The following NPHP4 variants were observed in gnomAD, a reference collection of about 807,000 sequenced individuals.
The protein encoded by NPHP4 is nephrocystin-4.
NPHP4 carries 151 observed loss-of-function variants against 155.8 expected under a neutral mutation model. The ratio of observed to expected loss-of-function variants is 0.97; its 90% confidence interval spans 0.85 to 1.11. The LOEUF (loss-of-function observed/expected upper bound fraction) is 1.11. NPHP4 is among the 50% of genes least tolerant of loss of function. The probability of loss-of-function intolerance (pLI) is 0.00; values close to 1 mark genes in which losing one functional copy is unlikely to be tolerated. For missense variants in NPHP4, 1,956 were observed against 1,925.7 expected, an observed-to-expected ratio of 1.02 and a Z score of -0.29; for synonymous variants, 845 against 816.8, an observed-to-expected ratio of 1.03 and a Z score of -0.59.
rs140103378 is a variant in NPHP4 at position 5,909,290 on chromosome 1, G to A, written c.1442-77C>T. ...GGGCAGTGGGCCCCTGAACCCCCAC[G>A]CAGTCAGGTCTCCACAGGCCTCACC... On this transcript the variant is annotated intron_variant, in intron 11 of 29. Transcript: ENST00000378156. 165 of 1,177,080 alleles carry A rather than the reference G, an allele frequency of 1.4e-4. No individual in the cohort carries two copies. In the African/African-American group the frequency reaches 1.9e-3, roughly 14 times the overall value. 72.9% of individuals were successfully genotyped at this position (1,177,080 alleles called of 1,614,324 possible).
intron 16 of NPHP4, among the ~76,000 whole-genome samples, chr1:5,901,712 T>G (rs1644691237): frequency 6.6e-6 from 1 of 152,016 alleles, no homozygotes; most frequent in East Asian, 1.9e-4. Context: ...TGATGAGCTG[T>G]GCTGGATAAA....
At chr1:5,958,933 A>T (rs369075545) in intron 6 of NPHP4, among the ~76,000 whole-genome samples, 7 of 151,578 alleles carry the variant, frequency 4.6e-5, no homozygotes, top group Admixed American at 3.3e-4. Flanking sequence ...AAAAAGTAAA[A>T]TAAAAAGAAA....
In NPHP4 at chr1:5,884,171, C is replaced by A. The variant is rs546830730; in HGVS notation, c.2485+3115G>T. On this transcript the variant is annotated intron_variant, in intron 18 of 29. Transcript: ENST00000378156. ...CACCTTCCATGAAACAGGTTACACC[C>A]GCACCAACACGTTTGCTGCAGGGGC... Among the ~76,000 whole-genome samples, 3 of 152,148 alleles carry A rather than the reference C, an allele frequency of 2.0e-5. No individual in the cohort carries two copies. In the East Asian group the frequency reaches 5.8e-4, roughly 29 times the overall value.
intron 20 of NPHP4, chr1:5,875,882 G>A (rs941166422): frequency 6.6e-6 from 1 of 152,314 alleles, no homozygotes; most frequent in African/African-American, 2.4e-5. Flanking sequence ...GCTGACTTCA[G>A]TGCTTTCAGG....
chr1:5,890,864 C>T lies in NPHP4; in HGVS notation c.2304+4G>A. 6.2e-7 allele frequency: 1 copy of T among 1,607,008 alleles called. No homozygotes were observed. Among genetic ancestry groups the T allele is most frequent in the Non-Finnish European group, 8.5e-7 (1 of 1,175,650 alleles). On this transcript the variant is annotated splice_donor_region_variant and intron_variant, in intron 17 of 29. Transcript: ENST00000378156. This position sits in a 1 kb window ranked among gnomAD's most constrained non-coding sequence, Gnocchi z 4.9. ...CTGTGCCTGTCCTTCCAGAGAGCCG[C>T]TACCTTCATCTGGACGGCAGCAGAT...
chr1:5,867,233 AC>A lies in NPHP4; in HGVS notation c.3473-119del. ...GCTCGTCACAGGTGCTCAGCAAGAC[AC>A]CTGCTGGGGAAACGGACGCCGCCAC... On this transcript the variant is annotated intron_variant, in intron 24 of 29. Coordinates refer to ENST00000378156, the MANE Select transcript of NPHP4 (RefSeq NM_015102.5). This position sits in a 1 kb window ranked among gnomAD's most constrained non-coding sequence, Gnocchi z 4.1. 1.4e-5 allele frequency: 10 copies of A among 736,400 alleles called. No individual in the cohort carries two copies. The South Asian group carries it at 1.8e-4, about 13-fold the overall frequency. 45.6% of individuals were successfully genotyped at this position (736,400 alleles called of 1,614,324 possible). A position where few individuals can be genotyped will look rare whatever the true frequency, so the allele number is the denominator to read the frequency against.
At chr1:5,956,013 A>G (rs899637203) in intron 6 of NPHP4, among the ~76,000 whole-genome samples, 4 of 141,372 alleles carry the variant, frequency 2.8e-5, no homozygotes, top group African/African-American at 1.0e-4. Flanking sequence ...AAATATATAC[A>G]ATTACAGTAA....
At position 5,991,921 on chromosome 1, in the gene NPHP4, C is replaced by CCAGGGGGCAGGGGG. The variant is rs71568636; in HGVS notation, c.-39+309_-39+322dup. ...CTTCAGCCGAGGGGCTGCAGAGAGG[C>CCAGGGGGCAGGGGG]CAGGGGGCAGGGGGCAGGGGGCAGG... is the stretch of plus-strand genomic sequence containing the variant. On this transcript the variant is annotated intron_variant, in intron 1 of 29. Transcript: ENST00000378156. Among the ~76,000 whole-genome samples the CCAGGGGGCAGGGGG allele has an allele frequency of 7.2e-3, 724 of 101,016 alleles. 7 individuals carry two copies. Among genetic ancestry groups the CCAGGGGGCAGGGGG allele is most frequent in the African/African-American group, 0.016 (423 of 26,124 alleles). The allele number at this position is 101,016 out of a possible 152,430, so 66.3% of individuals were successfully genotyped here. A position where few individuals can be genotyped will look rare whatever the true frequency, so the allele number is the denominator to read the frequency against.
intron 7 of NPHP4, among the ~76,000 whole-genome samples, chr1:5,949,581 G>A (rs1298785091): frequency 1.3e-5 from 2 of 152,006 alleles, no homozygotes; most frequent in Admixed American, 6.6e-5. Context: ...CTGAGCACCC[G>A]GGAGGAACGC....
At chr1:5,976,538 C>G (rs764257981) in intron 3 of NPHP4, among the ~76,000 whole-genome samples, 3 of 152,240 alleles carry the variant, frequency 2.0e-5, no homozygotes, top group Non-Finnish European at 4.4e-5. Flanking sequence ...CGAGGGGACC[C>G]CCTGCCCGCG....
intron 6 of NPHP4, among the ~76,000 whole-genome samples, chr1:5,954,027 C>T (rs185543209): frequency 6.6e-6 from 1 of 152,342 alleles, no homozygotes; most frequent in East Asian, 1.9e-4. Context: ...GAGCACTCTA[C>T]TATCCTGCTG....
intron 1 of NPHP4, among the ~76,000 whole-genome samples, chr1:5,988,590 T>G (rs1321378388): frequency 1.3e-5 from 2 of 152,236 alleles, no homozygotes; most frequent in African/African-American, 4.8e-5. Context: ...ATAACTCACA[T>G]AAACAAAAGT....
chr1:5,907,319 C>G (rs1644959588), intron 12 of NPHP4, 97 bp from the exon 13 acceptor site: 3 of 729,464 alleles, frequency 4.1e-6, no homozygotes, highest in East Asian at 3.1e-5. Flanking sequence ...AACGGGGTAG[C>G]CCTGGATCCA....
intron 2 of NPHP4, among the ~76,000 whole-genome samples, chr1:5,979,413 G>A (rs374208971): frequency 8.5e-5 from 13 of 152,152 alleles, no homozygotes; most frequent in East Asian, 3.9e-4. Flanking sequence ...AAGAACCACA[G>A]GGAGTTTGGG....
At chr1:5,891,253 C>T (rs1457151299) in intron 16 of NPHP4, among the ~76,000 whole-genome samples, 1 of 152,188 alleles carries the variant, frequency 6.6e-6, no homozygotes, top group Non-Finnish European at 1.5e-5. Context: ...TAAACTCCTC[C>T]CAAAATAAGA....
intron 16 of NPHP4, among the ~76,000 whole-genome samples, chr1:5,903,799 G>C (rs1282017256): frequency 6.6e-6 from 1 of 152,202 alleles, no homozygotes; most frequent in East Asian, 1.9e-4. Flanking sequence ...AACAAGGGAG[G>C]TGTTCTAGAA....
chr1:5,941,291 A>C (rs1015636497), intron 9 of NPHP4, among the ~76,000 whole-genome samples: 4 of 60,772 alleles, frequency 6.6e-5, no homozygotes, highest in African/African-American at 1.1e-4. Flanking sequence ...GATCTAGACA[A>C]AAAAAAAAAA....
intron 9 of NPHP4, among the ~76,000 whole-genome samples, chr1:5,946,477 T>A (rs147329679): frequency 6.6e-6 from 1 of 152,296 alleles, no homozygotes; most frequent in African/African-American, 2.4e-5. Context: ...GATTCAATAA[T>A]CATGAATTAA....
At chr1:5,925,709 G>A (rs866583776) in intron 11 of NPHP4, among the ~76,000 whole-genome samples, 33 of 152,158 alleles carry the variant, frequency 2.2e-4, no homozygotes, top group South Asian at 1.5e-3. Flanking sequence ...TCTGCCTCCT[G>A]GGTTCACGCC....
Sources: allele counts gnomAD v4.1 joint callset (sites outside exome capture counted in the v4.1 genomes callset), GRCh38; gene constraint gnomAD v4.1.1; non-coding constraint Gnocchi (gnomAD v3.1); transcripts MANE v1.5; gene names NCBI Gene and HGNC (gene_info 2026-07-23, HGNC 2026-07-21).